Variants in PKIB observed in about 807,000 individuals in gnomAD.
The protein encoded by PKIB is cAMP-dependent protein kinase inhibitor beta, also known as PKI-beta.
In PKIB, 2 loss-of-function variants were observed where a neutral mutation model predicts 4.5. The observed-to-expected ratio is 0.44, with a 90% CI of 0.18 to 1.39. The LOEUF (loss-of-function observed/expected upper bound fraction) is 1.39, where lower values mean the gene tolerates loss of function less well. Among genes scored for constraint, PKIB ranks in the 40% most tolerant of loss-of-function variants. PKIB has a pLI of 0.27. For synonymous variants in PKIB, 38 were observed against 36.0 expected (o/e 1.06, Z -0.20); for missense variants, 94 against 92.6 (o/e 1.02, Z -0.06).
intron 2 of PKIB, among the ~76,000 whole-genome samples, chr6:122,515,336 A>G (rs1170315257): frequency 6.6e-6 from 1 of 152,218 alleles, no homozygotes; most frequent in Admixed American, 6.5e-5. Flanking sequence ...TGTCACTTGC[A>G]AAGAATGAAA....
chr6:122,690,401 G>A (rs1204004992), intron 3 of PKIB, among the ~76,000 whole-genome samples: 1 of 151,546 alleles, frequency 6.6e-6, no homozygotes, highest in Non-Finnish European at 1.5e-5. Context: ...ATTTTTTTGT[G>A]TATTTGTTGT....
intron 2 of PKIB, among the ~76,000 whole-genome samples, chr6:122,539,124 C>A (rs187356666): frequency 1.4e-4 from 21 of 152,226 alleles, no homozygotes; most frequent in Admixed American, 1.4e-3. Context: ...AATTCATCTG[C>A]AAACAGGTAC....
upstream of PKIB, among the ~76,000 whole-genome samples, chr6:122,605,245 A>G (rs1408501869): frequency 1.3e-5 from 2 of 152,144 alleles, no homozygotes; most frequent in Non-Finnish European, 2.9e-5. Context: ...CTCTCACATC[A>G]TCACTCTGCA....
At chr6:122,668,907 A>G (rs906948379) in intron 2 of PKIB, among the ~76,000 whole-genome samples, 5 of 152,160 alleles carry the variant, frequency 3.3e-5, no homozygotes, top group African/African-American at 1.2e-4. Flanking sequence ...TCAATTTGCC[A>G]TTTCTACTTA....
intron 3 of PKIB, among the ~76,000 whole-genome samples, chr6:122,717,159 A>G (rs1562317900): frequency 1.3e-5 from 2 of 151,888 alleles, no homozygotes; most frequent in African/African-American, 2.4e-5. Context: ...TTAGGAAAGA[A>G]CTAGTAATTA....
At chr6:122,612,108 C>T (rs1774783400) in intron 1 of PKIB, among the ~76,000 whole-genome samples, 1 of 152,058 alleles carries the variant, frequency 6.6e-6, no homozygotes, top group African/African-American at 2.4e-5. Flanking sequence ...AAGAGTTTTT[C>T]CTCCTTTTTA....
chr6:122,586,956 G>C (rs1248159491), intron 3 of PKIB, among the ~76,000 whole-genome samples: 4 of 152,138 alleles, frequency 2.6e-5, no homozygotes, highest in African/African-American at 7.2e-5. Context: ...CTTCACTCCA[G>C]TATATAATGT....
chr6:122,598,367 G>A (rs998407330), intron 3 of PKIB, among the ~76,000 whole-genome samples: 1 of 152,180 alleles, frequency 6.6e-6, no homozygotes, highest in Admixed American at 6.5e-5. Flanking sequence ...TATTCTGATT[G>A]CTGCTTTGCC....
intron 2 of PKIB, among the ~76,000 whole-genome samples, chr6:122,497,912 C>T (rs1475494701): frequency 6.6e-6 from 1 of 152,186 alleles, no homozygotes. Flanking sequence ...ACAGAATATA[C>T]ATTCTTCTTA....
At chr6:122,597,493 G>A (rs571792866) in intron 3 of PKIB, among the ~76,000 whole-genome samples, 6 of 152,252 alleles carry the variant, frequency 3.9e-5, no homozygotes, top group African/African-American at 1.4e-4. Context: ...CTGCAATTGG[G>A]GTCACCACTT....
intron 3 of PKIB, among the ~76,000 whole-genome samples, chr6:122,600,872 G>A (rs1774341912): frequency 6.6e-6 from 1 of 151,962 alleles, no homozygotes. Flanking sequence ...AATTGACACA[G>A]ATAATAGAAT....
In PKIB at chr6:122,661,532, C is replaced by A. The variant is rs573497515; in HGVS notation, c.-75-13546C>A. Among the ~76,000 whole-genome samples, 3 of 152,230 alleles carry A rather than the reference C, an allele frequency of 2.0e-5. No individual in the cohort carries two copies. In the Middle Eastern group the frequency reaches 0.01, roughly 518 times the overall value. ...TGTGGCATGTATCAATCCTTCATTC[C>A]TTTTTATTGACAAGTAATATTACAT... On this transcript the variant is annotated intron_variant, in intron 2 of 4. Coordinates refer to ENST00000368452, the MANE Select transcript of PKIB (RefSeq NM_181795.3).
chr6:122,548,842 A>G (rs1485504274), intron 2 of PKIB, among the ~76,000 whole-genome samples: 1 of 152,222 alleles, frequency 6.6e-6, no homozygotes, highest in African/African-American at 2.4e-5. Context: ...TTTTATTTAA[A>G]GAAAAAGAAG....
At chr6:122,700,846 C>G (rs994599840) in intron 3 of PKIB, among the ~76,000 whole-genome samples, 2 of 152,120 alleles carry the variant, frequency 1.3e-5, no homozygotes, top group East Asian at 3.9e-4. Context: ...CTAGGAAGTG[C>G]GAGTCCATCT....
chr6:122,667,004 T>G (rs937247091), intron 2 of PKIB, among the ~76,000 whole-genome samples: 1 of 152,096 alleles, frequency 6.6e-6, no homozygotes, highest in African/African-American at 2.4e-5. Flanking sequence ...TTAATGCATC[T>G]AGAAAGTCAT....
At chr6:122,575,662 C>T (rs529824788) in intron 2 of PKIB, among the ~76,000 whole-genome samples, 1 of 152,250 alleles carries the variant, frequency 6.6e-6, no homozygotes, top group East Asian at 1.9e-4. Context: ...TGAAGTAATG[C>T]TGGAATGGGA....
chr6:122,544,434 C>T (rs938834285), intron 2 of PKIB, among the ~76,000 whole-genome samples: 1 of 151,720 alleles, frequency 6.6e-6, no homozygotes, highest in Non-Finnish European at 1.5e-5. Context: ...AAAATAAACC[C>T]CACAATCATT....
At chr6:122,489,739 G>T (rs1775884684) in intron 2 of PKIB, among the ~76,000 whole-genome samples, 1 of 152,174 alleles carries the variant, frequency 6.6e-6, no homozygotes, top group African/African-American at 2.4e-5. Flanking sequence ...TTATAAATAT[G>T]ATTTTTCTGT....
intron 1 of PKIB, among the ~76,000 whole-genome samples, chr6:122,627,746 G>A (rs934561391): frequency 6.6e-6 from 1 of 152,164 alleles, no homozygotes; most frequent in Admixed American, 6.5e-5. Flanking sequence ...CTCACAGACA[G>A]TTAATTGTTC....
Sources: gnomAD v4.1 joint callset for allele counts (sites outside exome capture counted in the v4.1 genomes callset) on GRCh38, gnomAD v4.1.1 for gene constraint, MANE v1.5 for transcripts, NCBI Gene and HGNC (gene_info 2026-07-23, HGNC 2026-07-21) for gene names.